The following MGA variants were observed in gnomAD, a reference collection of about 807,000 sequenced individuals.
MGA encodes MAX dimerization protein MGA.
MGA carries 40 observed loss-of-function variants against 261.1 expected under a neutral mutation model. The observed-to-expected ratio is 0.15, with a 90% CI of 0.12 to 0.20. The LOEUF (loss-of-function observed/expected upper bound fraction) is 0.20. Ranked by LOEUF, MGA falls within the 10% of genes least tolerant of loss-of-function variation. The pLI is 1.00. For synonymous variants in MGA, 1,302 were observed against 1,290.6 expected, an observed-to-expected ratio of 1.01 and a Z score of -0.19; for missense variants, 3,397 against 3,630.5, an observed-to-expected ratio of 0.94 and a Z score of 1.65.
chr15:41,628,749 G>T (rs1248632853), intron 1 of MGA, among the ~76,000 whole-genome samples: 2 of 152,036 alleles, frequency 1.3e-5, no homozygotes, highest in Non-Finnish European at 1.5e-5. Context: ...GAGGTTTTTG[G>T]ATTTTATTCT....
At chr15:41,730,173 C>T (rs958355681) in intron 11 of MGA, among the ~76,000 whole-genome samples, 1 of 152,092 alleles carries the variant, frequency 6.6e-6, no homozygotes, top group Non-Finnish European at 1.5e-5. Context: ...GGATTACAGG[C>T]GTGAGCCACT....
chr15:41,740,146 G>A lies in MGA; in HGVS notation c.4528G>A (p.Ala1510Thr). The A allele has an allele frequency of 6.2e-7, 1 of 1,614,004 alleles. No homozygotes were observed. Reference sequence around the variant, plus strand: ...CAAAATGGCATCCTCCTCTGGCACTGCAACAAATCGCCCTGGGAAGAATCT... The same window carrying A: ...CAAAATGGCATCCTCCTCTGGCACTACAACAAATCGCCCTGGGAAGAATCT... Residue 1510 changes from alanine to threonine, a missense_variant, in exon 14 of 24, where the codon GCA becomes ACA. This residue lies in a region of MGA where 1,410 missense variants were observed against 1,386.4 expected (regional missense o/e 1.02). Coordinates refer to ENST00000219905, the MANE Select transcript of MGA (RefSeq NM_001164273.2).
chr15:41,734,161 G>A (rs2061655160), intron 11 of MGA, among the ~76,000 whole-genome samples: 1 of 151,858 alleles, frequency 6.6e-6, no homozygotes, highest in Non-Finnish European at 1.5e-5. Flanking sequence ...TCCCACCTCG[G>A]CCTCTCGGAA....
At position 41,748,895 on chromosome 15, in the gene MGA, C is replaced by A. The variant is rs757012094; in HGVS notation, c.5471C>A (p.Pro1824His). Residue 1824 changes from proline (P) to histidine (H), a missense_variant, in exon 16 of 24, where the codon CCC becomes CAC. Pro to His is a moderately conservative substitution (Grantham distance 77). This residue lies in a region of MGA where 1,410 missense variants were observed against 1,386.4 expected (regional missense o/e 1.02). Transcript: ENST00000219905. The stretch of plus-strand genomic sequence containing the variant: ...CAGCTTCGAGGCTCTAATACCCAGC[C>A]CAACTTACAGCCTGTCATGTTTCGG... 7 of 1,613,740 alleles carry A rather than the reference C, an allele frequency of 4.3e-6. No homozygotes were observed. Among genetic ancestry groups the A allele is most frequent in the Non-Finnish European group, 5.9e-6 (7 of 1,179,874 alleles).
At chr15:41,639,840 G>A (rs2056786596) in intron 1 of MGA, among the ~76,000 whole-genome samples, 1 of 152,156 alleles carries the variant, frequency 6.6e-6, no homozygotes, top group South Asian at 2.1e-4. Flanking sequence ...GAGCCACCGT[G>A]CCTGGCCCCA....
intron 23 of MGA, 102 bp downstream of exon 23, chr15:41,765,164 C>T: frequency 1.5e-6 from 2 of 1,339,582 alleles, no homozygotes; most frequent in South Asian, 1.3e-5. Flanking sequence ...TGATAAAGAG[C>T]TATTCTGTTG....
At chr15:41,691,100 C>T (rs987398558) in intron 2 of MGA, among the ~76,000 whole-genome samples, 1 of 142,112 alleles carries the variant, frequency 7.0e-6, no homozygotes, top group Non-Finnish European at 1.5e-5. Context: ...TTGGTAGATA[C>T]TGCATTGAAT....
intron 12 of MGA, among the ~76,000 whole-genome samples, chr15:41,734,945 A>G (rs2061689970): frequency 6.6e-6 from 1 of 152,046 alleles, no homozygotes; most frequent in Non-Finnish European, 1.5e-5. Context: ...CTCTGGGGAA[A>G]TCTAGAAGGA....
intron 1 of MGA, among the ~76,000 whole-genome samples, chr15:41,640,931 A>G (rs2150622539): frequency 6.6e-6 from 1 of 152,332 alleles, no homozygotes; most frequent in East Asian, 1.9e-4. Context: ...CATCACCACA[A>G]TTTTAGAACA....
intron 10 of MGA, 50 bp from the exon 11 acceptor site, chr15:41,729,114 A>G: frequency 6.5e-7 from 1 of 1,536,668 alleles, no homozygotes. Flanking sequence ...TTTGGAGTCT[A>G]GCGGAGTTTT....
intron 1 of MGA, among the ~76,000 whole-genome samples, chr15:41,663,538 A>G (rs967394194): frequency 2.0e-5 from 3 of 151,884 alleles, no homozygotes; most frequent in African/African-American, 4.8e-5. Flanking sequence ...ACTATCTCCA[A>G]GGCTAGAATG....
rs2063236730 is a variant in MGA, at chr15:41,757,938, T to C, written c.7191+99T>C. On this transcript the variant is annotated intron_variant, in intron 19 of 23. Transcript: ENST00000219905. ...ATTAGCTATATTAGCCACGATTTTT[T>C]CTCAGGGCTATTTTTGCCAGTGAGT... is the stretch of plus-strand genomic sequence containing the variant. 3.0e-6 allele frequency: 3 copies of C among 987,570 alleles called. No homozygotes were observed. In the African/African-American group the frequency reaches 4.8e-5, roughly 16 times the overall value. 61.2% of individuals were successfully genotyped at this position (987,570 alleles called of 1,614,324 possible). A position where few individuals can be genotyped will look rare whatever the true frequency, so the allele number is the denominator to read the frequency against.
intron 5 of MGA, among the ~76,000 whole-genome samples, chr15:41,701,933 C>T (rs936481306): frequency 6.6e-6 from 1 of 152,086 alleles, no homozygotes; most frequent in African/African-American, 2.4e-5. Context: ...CTGGTACTTA[C>T]TTTTCAATGT....
chr15:41,642,103 A>G (rs1476721827), intron 1 of MGA, among the ~76,000 whole-genome samples: 2 of 152,056 alleles, frequency 1.3e-5, no homozygotes, highest in East Asian at 3.9e-4. Context: ...GCCAGGGCCT[A>G]GCCAACACTT....
chr15:41,710,934 C>A lies in MGA; in HGVS notation c.2669C>A (p.Ser890Tyr), dbSNP rs1363709175. The stretch of plus-strand genomic sequence containing the variant: ...ACCTCTTATTCTTTGAAACCTCATT[C>A]TGTACCCCCTGTCTCTCGAAAGGCA... Residue 890 changes from serine to tyrosine, a missense_variant, in exon 8 of 24, where the codon TCT (serine) becomes TAT (tyrosine). This residue lies in a region of MGA where 519 missense variants were observed against 554.1 expected (regional missense o/e 0.94). Transcript: ENST00000219905. 2.5e-6 allele frequency: 4 copies of A among 1,614,004 alleles called. No individual in the cohort carries two copies. The highest frequency in any genetic ancestry group is 3.4e-6 in the Non-Finnish European group (4 of 1,179,878).
chr15:41,687,661 TG>T (rs2059041336), intron 2 of MGA, among the ~76,000 whole-genome samples: 2 of 152,170 alleles, frequency 1.3e-5, no homozygotes, highest in African/African-American at 4.8e-5. Flanking sequence ...ATTTGTAGTT[TG>T]ATTCCGTTGT....
chr15:41,623,081 C>T (rs1185958332), intron 1 of MGA, among the ~76,000 whole-genome samples: 1 of 152,106 alleles, frequency 6.6e-6, no homozygotes, highest in Non-Finnish European at 1.5e-5. Context: ...CTGTTATCTC[C>T]GTTTTACCAC....
At chr15:41,749,054 G>C in intron 16 of MGA, 57 bp from the exon 17 acceptor site, 1 of 1,554,868 alleles carries the variant, frequency 6.4e-7, no homozygotes, top group Non-Finnish European at 8.7e-7. Context: ...GCAAACATTG[G>C]AAGTCTTGAT....
At chr15:41,748,432 T>TA (rs1271391266) in intron 15 of MGA, among the ~76,000 whole-genome samples, 1 of 152,042 alleles carries the variant, frequency 6.6e-6, no homozygotes, top group Non-Finnish European at 1.5e-5. Flanking sequence ...TGCACACCTG[T>TA]AGTCGCAGCT....
Sources: allele counts gnomAD v4.1 joint callset (sites outside exome capture counted in the v4.1 genomes callset), GRCh38; gene constraint gnomAD v4.1.1; regional missense constraint gnomAD v4.1.1; transcripts MANE v1.5; gene names NCBI Gene and HGNC (gene_info 2026-07-23, HGNC 2026-07-21).